LRRTM4: variants seen among roughly 807,000 people sequenced by gnomAD.
LRRTM4 encodes the protein leucine-rich repeat transmembrane neuronal protein 4.
A neutral mutation model predicts 47.6 loss-of-function variants in LRRTM4; 25 were observed. The observed-to-expected ratio is 0.53, with a 90% CI of 0.38 to 0.73. The LOEUF (loss-of-function observed/expected upper bound fraction) is 0.73. LRRTM4 is among the 30% of genes least tolerant of loss of function. LRRTM4 has a pLI of 0.00. For synonymous variants in LRRTM4, 311 were observed against 269.5 expected (o/e 1.15, Z -1.51); for missense variants, 638 against 713.4 (o/e 0.89, Z 1.20).
In LRRTM4 at chr2:76,847,970, A is replaced by G. The variant is rs147927615; in HGVS notation, c.1552-99054T>C. Among the ~76,000 whole-genome samples the G allele has an allele frequency of 5.7e-3, 872 of 152,220 alleles. 13 individuals are homozygous for G. The highest frequency in any genetic ancestry group is 0.02 in the African/African-American group (827 of 41,576). Reference sequence around the variant, plus strand: ...GTAAGAAATGGAAGATCTACTAGCCAATAATAAAGAGGTAGCAAGAGTCAA... The same window carrying G: ...GTAAGAAATGGAAGATCTACTAGCCGATAATAAAGAGGTAGCAAGAGTCAA... On this transcript the variant is annotated intron_variant, in intron 3 of 3. Transcript: ENST00000409884.
At chr2:76,924,749 G>A (rs1674535428) in intron 3 of LRRTM4, among the ~76,000 whole-genome samples, 1 of 151,792 alleles carries the variant, frequency 6.6e-6, no homozygotes, top group African/African-American at 2.4e-5. Flanking sequence ...CCACCACATA[G>A]GAATAATAAG....
chr2:77,275,427 TAGA>T (rs1313365448), intron 3 of LRRTM4, among the ~76,000 whole-genome samples: 2 of 152,128 alleles, frequency 1.3e-5, no homozygotes, highest in Admixed American at 6.6e-5. Context: ...ATGCAATCAA[TAGA>T]AGCTCAGTAA....
At chr2:77,235,375 G>A (rs1675078360) in intron 3 of LRRTM4, among the ~76,000 whole-genome samples, 1 of 151,940 alleles carries the variant, frequency 6.6e-6, no homozygotes, top group African/African-American at 2.4e-5. Flanking sequence ...TTTTTAATGG[G>A]GTTATTTGGT....
chr2:76,864,749 C>T (rs1672417252), intron 3 of LRRTM4, among the ~76,000 whole-genome samples: 1 of 150,646 alleles, frequency 6.6e-6, no homozygotes, highest in Non-Finnish European at 1.5e-5. Flanking sequence ...AAGACAAGGT[C>T]TCTCTGTTTT....
chr2:77,500,368 A>T (rs1399313616), intron 3 of LRRTM4, among the ~76,000 whole-genome samples: 1 of 151,824 alleles, frequency 6.6e-6, no homozygotes, highest in Non-Finnish European at 1.5e-5. Context: ...ATTAAGCTAA[A>T]AAATAGCACC....
intron 3 of LRRTM4, among the ~76,000 whole-genome samples, chr2:77,112,486 C>G (rs1365721990): frequency 6.6e-6 from 1 of 152,052 alleles, no homozygotes; most frequent in Non-Finnish European, 1.5e-5. Flanking sequence ...GTAATTTTAT[C>G]TTTTATATTG....
intron 3 of LRRTM4, among the ~76,000 whole-genome samples, chr2:77,088,490 C>A (rs1408045456): frequency 2.0e-5 from 3 of 152,130 alleles, no homozygotes; most frequent in South Asian, 2.1e-4. Context: ...TCCTGCCTGC[C>A]AGAGAACAAA....
At chr2:76,859,971 G>A (rs377061664) in intron 3 of LRRTM4, among the ~76,000 whole-genome samples, 35 of 152,162 alleles carry the variant, frequency 2.3e-4, no homozygotes, top group African/African-American at 8.2e-4. Flanking sequence ...TGCATAATAT[G>A]TTGCATCAAA....
chr2:77,417,752 G>A (rs1573386035), intron 3 of LRRTM4, among the ~76,000 whole-genome samples: 1 of 150,530 alleles, frequency 6.6e-6, no homozygotes, highest in Non-Finnish European at 1.5e-5. Flanking sequence ...ATCACACACT[G>A]GGGCCTGTTG....
chr2:77,029,057 ATATATATATATATAATATATATATAT>A (rs1558537510), intron 3 of LRRTM4, among the ~76,000 whole-genome samples: 1 of 144,846 alleles, frequency 6.9e-6, no homozygotes, highest in Non-Finnish European at 1.5e-5. Flanking sequence ...ACACAAATAT[ATATATATATATATAATATATATATAT>A]TATATATATA....
chr2:76,981,680 A>G lies in LRRTM4; in HGVS notation c.1552-232764T>C, dbSNP rs559277525. Among the ~76,000 whole-genome samples the G allele has an allele frequency of 3.3e-5, 5 of 151,956 alleles. No homozygotes were observed. The South Asian group carries it at 1.0e-3, about 32-fold the overall frequency. On this transcript the variant is annotated intron_variant, in intron 3 of 3. Transcript: ENST00000409884. ...GCTAGTTTCTAAATTTTTTGCAGAG[A>G]AGGAGTCTCGTTATTTTGCCAGGGC... is the stretch of plus-strand genomic sequence containing the variant.
intron 3 of LRRTM4, among the ~76,000 whole-genome samples, chr2:77,449,267 T>C (rs1016725342): frequency 1.3e-5 from 2 of 152,220 alleles, no homozygotes; most frequent in Non-Finnish European, 2.9e-5. Context: ...TAGCGCAGGT[T>C]CATTGGCATA....
chr2:76,875,789 T>C (rs1672761127), intron 3 of LRRTM4, among the ~76,000 whole-genome samples: 1 of 152,162 alleles, frequency 6.6e-6, no homozygotes. Flanking sequence ...TGCCAGATCT[T>C]GCTAGTCATT....
At chr2:76,929,710 G>A (rs1674704260) in intron 3 of LRRTM4, among the ~76,000 whole-genome samples, 1 of 152,060 alleles carries the variant, frequency 6.6e-6, no homozygotes, top group Non-Finnish European at 1.5e-5. Context: ...AGCCCTTTCT[G>A]TATAATAAAA....
chr2:77,057,004 A>G (rs896481723), intron 3 of LRRTM4, among the ~76,000 whole-genome samples: 1 of 152,236 alleles, frequency 6.6e-6, no homozygotes, highest in Non-Finnish European at 1.5e-5. Flanking sequence ...GTTTTATGGT[A>G]ACATAGCCAT....
chr2:76,894,694 T>C (rs760881017), intron 3 of LRRTM4, among the ~76,000 whole-genome samples: 1 of 151,996 alleles, frequency 6.6e-6, no homozygotes, highest in Non-Finnish European at 1.5e-5. Context: ...GGAGTGACTT[T>C]TTCTTTTGTG....
At chr2:77,391,202 T>A (rs933070345) in intron 3 of LRRTM4, among the ~76,000 whole-genome samples, 2 of 152,012 alleles carry the variant, frequency 1.3e-5, no homozygotes, top group African/African-American at 4.8e-5. Context: ...TTTATATTCT[T>A]TATTGGTTGA....
At chr2:77,414,426 T>A (rs768529060) in intron 3 of LRRTM4, among the ~76,000 whole-genome samples, 5 of 152,190 alleles carry the variant, frequency 3.3e-5, no homozygotes, top group Non-Finnish European at 7.4e-5. Context: ...ATCCTTCCCC[T>A]GCCCTCTCCC....
chr2:76,967,065 A>T (rs1389972388), intron 3 of LRRTM4, among the ~76,000 whole-genome samples: 1 of 151,424 alleles, frequency 6.6e-6, no homozygotes, highest in African/African-American at 2.4e-5. Context: ...CACTATTTCC[A>T]TCACATAACA....
Sources: gnomAD v4.1 joint callset for allele counts (sites outside exome capture counted in the v4.1 genomes callset) on GRCh38, gnomAD v4.1.1 for gene constraint, MANE v1.5 for transcripts, NCBI Gene and HGNC (gene_info 2026-07-23, HGNC 2026-07-21) for gene names.